The following TTC33 variants were observed in gnomAD, a reference collection of about 807,000 sequenced individuals.
TTC33 encodes the protein tetratricopeptide repeat protein 33.
Under a neutral mutation model 29.4 loss-of-function variants are expected in TTC33, and 24 were observed. That is an observed-to-expected ratio of 0.82 (90% CI 0.59 to 1.15). TTC33 has a LOEUF of 1.15. TTC33 is among the 50% of genes most tolerant of loss of function. The pLI is 0.00. For synonymous variants in TTC33, 107 were observed against 100.3 expected, an observed-to-expected ratio of 1.07 and a Z score of -0.40; for missense variants, 286 against 310.4, an observed-to-expected ratio of 0.92 and a Z score of 0.59.
chr5:40,754,498 C>T (rs1742950528), intron 1 of TTC33, among the ~76,000 whole-genome samples: 3 of 151,994 alleles, frequency 2.0e-5, no homozygotes, highest in South Asian at 4.2e-4. Flanking sequence ...AGGGAAAAGA[C>T]TAAAATAGTC....
At position 40,719,045 on chromosome 5, in the gene TTC33, A is replaced by G. The variant is rs150388416; in HGVS notation, c.436-2547T>C. On this transcript the variant is annotated intron_variant, in intron 4 of 4. Coordinates refer to ENST00000337702, the MANE Select transcript of TTC33 (RefSeq NM_012382.3). ...TGGCATAAAGCTAATGCCTTAGGAA[A>G]CATTAAAAGGTATTTTATTCATATT... Among the ~76,000 whole-genome samples, 1,199 of 152,342 alleles carry G rather than the reference A, an allele frequency of 7.9e-3. 12 individuals carry two copies. Among genetic ancestry groups the G allele is most frequent in the Non-Finnish European group, 9.6e-3 (655 of 68,030 alleles).
intron 1 of TTC33, among the ~76,000 whole-genome samples, chr5:40,753,796 AC>A (rs1479675584): frequency 6.6e-6 from 1 of 152,154 alleles, no homozygotes; most frequent in Non-Finnish European, 1.5e-5. Flanking sequence ...TCCAAATGAA[AC>A]TTTCTTTATT....
intron 1 of TTC33, among the ~76,000 whole-genome samples, chr5:40,748,866 G>A (rs77439436): frequency 0.32 from 49,046 of 152,020 alleles, 8,395 homozygotes; most frequent in East Asian, 0.56. Context: ...CGGGCACGGT[G>A]GCTCACGTCT....
intron 1 of TTC33, among the ~76,000 whole-genome samples, chr5:40,749,002 T>G (rs1393959456): frequency 6.6e-6 from 1 of 152,172 alleles, no homozygotes; most frequent in Non-Finnish European, 1.5e-5. Context: ...GGTACATGCC[T>G]GTAATCCCAG....
chr5:40,719,168 AT>A (rs1742073094), intron 4 of TTC33, among the ~76,000 whole-genome samples: 1 of 152,116 alleles, frequency 6.6e-6, no homozygotes, highest in Non-Finnish European at 1.5e-5. Flanking sequence ...ATTCTAGAAC[AT>A]TTTTATCACC....
At chr5:40,718,529 C>G (rs1024635304) in intron 4 of TTC33, among the ~76,000 whole-genome samples, 1 of 152,170 alleles carries the variant, frequency 6.6e-6, no homozygotes, top group Non-Finnish European at 1.5e-5. Context: ...ATCACAAGGT[C>G]AGGAGTTCAA....
chr5:40,737,832 C>G (rs1742587999), intron 2 of TTC33, among the ~76,000 whole-genome samples: 1 of 152,192 alleles, frequency 6.6e-6, no homozygotes, highest in Non-Finnish European at 1.5e-5. Flanking sequence ...AAATTGGAAT[C>G]AGACGGTATG....
rs1405759031 is a variant in TTC33 at position 40,712,727 on chromosome 5, C to T, written c.*3418G>A. 6.6e-6 allele frequency among the ~76,000 whole-genome samples: 1 copy of T among 152,172 alleles called. No homozygotes were observed. The highest frequency in any genetic ancestry group is 1.5e-5 in the Non-Finnish European group (1 of 68,016). On this transcript the variant is annotated 3_prime_UTR_variant, in exon 5 of 5. Coordinates refer to ENST00000337702, the MANE Select transcript of TTC33 (RefSeq NM_012382.3). ...AGCATGCCCAGTTCTATATCTTAAA[C>T]TCCCTCCTTTCCTGGTGAAGTGAGA...
At chr5:40,730,680 A>G (rs1385768197) in intron 2 of TTC33, among the ~76,000 whole-genome samples, 1 of 152,170 alleles carries the variant, frequency 6.6e-6, no homozygotes, top group Non-Finnish European at 1.5e-5. Flanking sequence ...TCAGTTCAAC[A>G]GTTTTTTGGA....
intron 4 of TTC33, among the ~76,000 whole-genome samples, chr5:40,721,366 T>C (rs1742130621): frequency 6.6e-6 from 1 of 152,114 alleles, no homozygotes; most frequent in Non-Finnish European, 1.5e-5. Flanking sequence ...TATTACAAAG[T>C]GACAGCAAAC....
In TTC33 at chr5:40,728,226, G is replaced by A. The variant is rs1432998120; in HGVS notation, c.435+119C>T. ...TTGAACCCAGGAGGCGGAGGTTGCC[G>A]TGAGCTGAGATTGCACCACTGCACT... On this transcript the variant is annotated intron_variant, in intron 4 of 4. Transcript: ENST00000337702. The A allele has an allele frequency of 5.4e-5, 42 of 779,372 alleles. 1 individual carries two copies. Among genetic ancestry groups the A allele is most frequent in the Non-Finnish European group, 6.6e-5 (37 of 558,464 alleles). The allele number at this position is 779,372 out of a possible 1,614,324, so 48.3% of individuals were successfully genotyped here.
chr5:40,742,613 G>A (rs1367385733), intron 2 of TTC33, among the ~76,000 whole-genome samples: 4 of 152,076 alleles, frequency 2.6e-5, no homozygotes, highest in Non-Finnish European at 5.9e-5. Flanking sequence ...AAAGCCTTCT[G>A]TACACAAAAC....
chr5:40,721,543 C>A (rs1742134801), intron 4 of TTC33, among the ~76,000 whole-genome samples: 2 of 151,916 alleles, frequency 1.3e-5, no homozygotes, highest in Admixed American at 6.6e-5. Flanking sequence ...CTGGGAAAAC[C>A]GGATATCCGC....
At chr5:40,728,254 A>G in intron 4 of TTC33, 91 bp downstream of exon 4, 1 of 1,041,288 alleles carries the variant, frequency 9.6e-7, no homozygotes, top group Non-Finnish European at 1.3e-6. Context: ...ACTGCACTGT[A>G]CCCTGGGTGA....
chr5:40,754,805 ATGCAAAGCACTTTC>A (rs1199346997), intron 1 of TTC33, among the ~76,000 whole-genome samples: 1 of 152,246 alleles, frequency 6.6e-6, no homozygotes, highest in African/African-American at 2.4e-5. Context: ...ATCCTAGAGC[ATGCAAAGCACTTTC>A]TGCATTAGAA....
At chr5:40,739,655 G>T (rs955281531) in intron 2 of TTC33, among the ~76,000 whole-genome samples, 1 of 152,118 alleles carries the variant, frequency 6.6e-6, no homozygotes, top group African/African-American at 2.4e-5. Flanking sequence ...GCTTTCCTGA[G>T]GGCTCCCCAG....
At chr5:40,725,003 T>C (rs12518018) in intron 4 of TTC33, among the ~76,000 whole-genome samples, 33,110 of 151,784 alleles carry the variant, frequency 0.22, 4,320 homozygotes, top group Admixed American at 0.37. Flanking sequence ...CACACCACCA[T>C]GCCTGGCTAA....
chr5:40,726,160 TACAC>T (rs10558244), intron 4 of TTC33, among the ~76,000 whole-genome samples: 6 of 148,162 alleles, frequency 4.0e-5, no homozygotes, highest in South Asian at 2.1e-4. Context: ...TATATATATA[TACAC>T]ACACACACAC....
At chr5:40,750,144 G>A (rs945386751) in intron 1 of TTC33, among the ~76,000 whole-genome samples, 18 of 151,204 alleles carry the variant, frequency 1.2e-4, no homozygotes, top group Admixed American at 4.6e-4. Context: ...GCTAAGAAAC[G>A]CCAATGATCA....
Sources: gnomAD v4.1 joint callset for allele counts (sites outside exome capture counted in the v4.1 genomes callset) on GRCh38, gnomAD v4.1.1 for gene constraint, MANE v1.5 for transcripts, NCBI Gene and HGNC (gene_info 2026-07-23, HGNC 2026-07-21) for gene names.